GIP: variants seen among roughly 807,000 people sequenced by gnomAD.
The protein encoded by GIP is gastric inhibitory polypeptide, also known as glucose-dependent insulinotropic polypeptide.
In GIP, 16 loss-of-function variants were observed where a neutral mutation model predicts 18.1. That is an observed-to-expected ratio of 0.88 (90% CI 0.60 to 1.34). The LOEUF (loss-of-function observed/expected upper bound fraction) is 1.34, where lower values mean the gene tolerates loss of function less well. Among genes scored for constraint, GIP ranks in the 40% most tolerant of loss-of-function variants. The pLI is 0.00. For missense variants in GIP, 192 were observed against 183.4 expected, an observed-to-expected ratio of 1.05 and a Z score of -0.27; for synonymous variants, 76 against 74.0, an observed-to-expected ratio of 1.03 and a Z score of -0.14.
intron 5 of GIP, among the ~76,000 whole-genome samples, chr17:48,958,986 C>G (rs1229135137): frequency 6.6e-6 from 1 of 151,810 alleles, no homozygotes; most frequent in African/African-American, 2.4e-5. Context: ...TCCCGAGTAG[C>G]TGGGACTACA....
At chr17:48,966,083 C>T (rs946597664) in intron 2 of GIP, among the ~76,000 whole-genome samples, 1 of 151,860 alleles carries the variant, frequency 6.6e-6, no homozygotes, top group Admixed American at 6.6e-5. Context: ...GATGGTGAAA[C>T]CCCATCTCTA....
intron 2 of GIP, among the ~76,000 whole-genome samples, chr17:48,965,556 G>A (rs1459439136): frequency 7.2e-6 from 1 of 139,276 alleles, no homozygotes; most frequent in East Asian, 2.3e-4. Flanking sequence ...AGTAATCGGA[G>A]ATCGCGCCAC....
chr17:48,961,798 C>G lies in GIP; in HGVS notation c.279G>C (p.Gln93His). 6.2e-7 allele frequency: 1 copy of G among 1,612,824 alleles called. No individual in the cohort carries two copies. Among genetic ancestry groups the G allele is most frequent in the Non-Finnish European group, 8.5e-7 (1 of 1,179,602 alleles). The part of the protein sequence containing the change: ...KKNDWKHNIT[Q>H]REARALELAS... ...CCAGCTCCAGCGCCCGAGCCTCCCTCTGGGTGATGTTGTGTTTCCAGCTGG... is the reference window on the plus strand; with the variant it reads ...CCAGCTCCAGCGCCCGAGCCTCCCTGTGGGTGATGTTGTGTTTCCAGCTGG... The change falls in exon 4 of 6, where the codon CAG becomes CAC. Residue 93 changes from glutamine (Q) to histidine (H), a missense_variant. Physicochemically the swap from Gln to His is conservative, Grantham distance 24. Transcript: ENST00000357424.
intron 3 of GIP, among the ~76,000 whole-genome samples, chr17:48,962,472 A>C (rs2041205768): frequency 6.7e-6 from 1 of 149,064 alleles, no homozygotes; most frequent in African/African-American, 2.5e-5. Flanking sequence ...GGGTTCAAGC[A>C]ATTCTCATGC....
intron 2 of GIP, among the ~76,000 whole-genome samples, chr17:48,965,504 C>T (rs2041231457): frequency 6.8e-6 from 1 of 147,814 alleles, no homozygotes; most frequent in South Asian, 2.1e-4. Flanking sequence ...ACTTGGGAGG[C>T]TGAGGCAGGA....
chr17:48,962,233 C>G (rs908751344), intron 3 of GIP, among the ~76,000 whole-genome samples: 4 of 152,010 alleles, frequency 2.6e-5, no homozygotes, highest in Non-Finnish European at 5.9e-5. Flanking sequence ...CCACACCCAG[C>G]TGATTTTTGT....
chr17:48,959,752 T>G lies in GIP; in HGVS notation c.453-1036A>C, dbSNP rs180904052. Among the ~76,000 whole-genome samples the G allele has an allele frequency of 4.5e-3, 648 of 144,226 alleles. 1 individual carries two copies. Among genetic ancestry groups the G allele is most frequent in the Admixed American group, 7.1e-3 (101 of 14,158 alleles). The allele number at this position is 144,226 out of a possible 152,430, so 94.6% of individuals were successfully genotyped here. A position where few individuals can be genotyped will look rare whatever the true frequency, so the allele number is the denominator to read the frequency against. ...GCTGAGAACAGGATGGGCTCAGCTC[T>G]GTGTGTAGGGACAGGCAGGACACAG... On this transcript the variant is annotated intron_variant, in intron 5 of 5. Transcript: ENST00000357424.
intron 3 of GIP, among the ~76,000 whole-genome samples, chr17:48,962,146 T>C (rs1297914127): frequency 7.9e-5 from 12 of 152,218 alleles, no homozygotes; most frequent in Admixed American, 7.9e-4. Context: ...CTCAGCTCAC[T>C]GCAACCTCTG....
intron 3 of GIP, among the ~76,000 whole-genome samples, chr17:48,964,045 A>T (rs924089521): frequency 6.7e-6 from 1 of 150,178 alleles, no homozygotes; most frequent in African/African-American, 2.4e-5. Context: ...CTGTAGTCCC[A>T]GCTACTCAGG....
chr17:48,961,360 T>A (rs1025637186), intron 4 of GIP, among the ~76,000 whole-genome samples: 3 of 152,054 alleles, frequency 2.0e-5, no homozygotes, highest in Non-Finnish European at 4.4e-5. Flanking sequence ...CCTGGGAAGA[T>A]CCCCCGCTCT....
chr17:48,962,558 G>A (rs931403228), intron 3 of GIP, among the ~76,000 whole-genome samples: 3 of 151,036 alleles, frequency 2.0e-5, no homozygotes, highest in Admixed American at 6.6e-5. Context: ...TAGTAGAGAC[G>A]GGATTTCACC....
intron 1 of GIP, among the ~76,000 whole-genome samples, chr17:48,967,678 G>T (rs1444542500): frequency 6.6e-6 from 1 of 151,700 alleles, no homozygotes; most frequent in South Asian, 2.1e-4. Flanking sequence ...TTTTCTAAGA[G>T]CCTGGGGCAA....
rs769317899 is a variant in GIP, at chr17:48,958,710, C to T, written c.459G>A (p.Arg153=). The T allele has an allele frequency of 5.1e-6, 8 of 1,582,420 alleles. No homozygotes were observed. Among genetic ancestry groups the T allele is most frequent in the Non-Finnish European group, 6.9e-6 (8 of 1,164,444 alleles). ...DQTNLCRLRS[R] is the part of the protein sequence containing the mutation. Reference sequence around the variant, plus strand: ...CCTGAGCTGGGTGTGGTCAGAGTCACCGAGACCTGGGGAGAGTGGGGAAAG... The same window carrying T: ...CCTGAGCTGGGTGTGGTCAGAGTCATCGAGACCTGGGGAGAGTGGGGAAAG... The change falls in exon 6 of 6, where the codon CGG becomes CGA. Residue 153 remains arginine (R), a synonymous_variant. Coordinates refer to ENST00000357424, the MANE Select transcript of GIP (RefSeq NM_004123.3).
At chr17:48,966,776 A>T (rs2041238159) in intron 2 of GIP, among the ~76,000 whole-genome samples, 1 of 152,138 alleles carries the variant, frequency 6.6e-6, no homozygotes, top group South Asian at 2.1e-4. Context: ...ACTGCACTCC[A>T]GCCTGGGCGA....
At chr17:48,962,021 T>C (rs1467563828) in intron 3 of GIP, among the ~76,000 whole-genome samples, 1 of 152,208 alleles carries the variant, frequency 6.6e-6, no homozygotes, top group African/African-American at 2.4e-5. Context: ...GAAAGAGACT[T>C]GGCATAGAGC....
chr17:48,965,823 T>C (rs1303054535), intron 2 of GIP, among the ~76,000 whole-genome samples: 1 of 152,032 alleles, frequency 6.6e-6, no homozygotes, highest in Non-Finnish European at 1.5e-5. Flanking sequence ...TGAGGTAGGT[T>C]CTATTTATAT....
At chr17:48,961,635 T>G (rs749519512) in intron 4 of GIP, 92 bp downstream of exon 4, 11 of 778,148 alleles carry the variant, frequency 1.4e-5, no homozygotes, top group Non-Finnish European at 2.2e-5. Flanking sequence ...TCTCAGGTCC[T>G]TGCTCTGCTC....
intron 3 of GIP, among the ~76,000 whole-genome samples, chr17:48,962,713 G>T (rs1028770716): frequency 5.3e-5 from 8 of 152,278 alleles, no homozygotes; most frequent in Non-Finnish European, 8.8e-5. Flanking sequence ...CGCCAAGCAA[G>T]CAGTCATTAG....
chr17:48,962,075 G>GGT (rs1014514767), intron 3 of GIP, among the ~76,000 whole-genome samples: 4 of 151,892 alleles, frequency 2.6e-5, no homozygotes, highest in African/African-American at 7.3e-5. Flanking sequence ...CATTTTTTTT[G>GGT]GTGTGTGTGT....
Sources: allele counts gnomAD v4.1 joint callset (sites outside exome capture counted in the v4.1 genomes callset), GRCh38; gene constraint gnomAD v4.1.1; transcripts MANE v1.5; gene names NCBI Gene and HGNC (gene_info 2026-07-23, HGNC 2026-07-21).